TREH: variants seen among roughly 807,000 people sequenced by gnomAD.
The protein encoded by TREH is alpha,alpha-trehalose glucohydrolase.
Under a neutral mutation model 80.5 loss-of-function variants are expected in TREH, and 69 were observed. The observed-to-expected ratio is 0.86, with a 90% CI of 0.71 to 1.05. The LOEUF is 1.05. Ranked by LOEUF, TREH falls within the 50% of genes least tolerant of loss-of-function variation. The pLI, the probability that TREH is intolerant of heterozygous loss-of-function variation, is 0.00. For synonymous variants in TREH, 309 were observed against 293.5 expected, an observed-to-expected ratio of 1.05 and a Z score of -0.54; for missense variants, 716 against 718.8, an observed-to-expected ratio of 1.00 and a Z score of 0.04.
chr11:118,664,583 C>T (rs1555145515), intron 1 of TREH, among the ~76,000 whole-genome samples: 1 of 152,198 alleles, frequency 6.6e-6, no homozygotes, highest in Non-Finnish European at 1.5e-5. Context: ...ACAGAAGATG[C>T]TGTACCAATA....
intron 1 of TREH, among the ~76,000 whole-genome samples, chr11:118,672,489 T>G (rs2137283095): frequency 6.6e-6 from 1 of 151,874 alleles, no homozygotes; most frequent in African/African-American, 2.4e-5. Flanking sequence ...GCAGGCAGAT[T>G]ACTTGAGGTC....
intron 1 of TREH, among the ~76,000 whole-genome samples, chr11:118,679,039 C>T (rs1412623459): frequency 6.6e-6 from 1 of 152,218 alleles, no homozygotes; most frequent in Non-Finnish European, 1.5e-5. Context: ...CCAGCAGGCT[C>T]TTGGACCTCA....
chr11:118,663,233 T>A (rs781939082), intron 2 of TREH, 37 bp from the exon 3 acceptor site: 1 of 1,569,690 alleles, frequency 6.4e-7, no homozygotes, highest in South Asian at 1.2e-5. Flanking sequence ...CAGCAGGGTG[T>A]CACAAGCCAC....
At chr11:118,668,830 C>T (rs1949404658) in intron 1 of TREH, among the ~76,000 whole-genome samples, 1 of 151,900 alleles carries the variant, frequency 6.6e-6, no homozygotes. Flanking sequence ...GTCCCAGCTA[C>T]TCGGGAGGCT....
chr11:118,662,877 A>C lies in TREH; in HGVS notation c.423+4T>G, dbSNP rs1555145240. The C allele has an allele frequency of 1.9e-6, 3 of 1,577,278 alleles. No individual in the cohort carries two copies. The South Asian group carries it at 3.5e-5, about 18-fold the overall frequency. On this transcript the variant is annotated splice_donor_region_variant and intron_variant, in intron 4 of 14. Transcript: ENST00000264029. ...GGCCTTGGGCAGGCCCAGGACGCTG[A>C]TACCTTCTTCCCCAGCTTCTTCCAG...
At chr11:118,668,561 C>CAAAAAAAAA (rs35085066) in intron 1 of TREH, among the ~76,000 whole-genome samples, 1 of 47,868 alleles carries the variant, frequency 2.1e-5, no homozygotes, top group Non-Finnish European at 3.3e-5. Context: ...GACTCTGTCT[C>CAAAAAAAAA]AAAAAAAAAA....
At chr11:118,669,101 T>C (rs1441099325) in intron 1 of TREH, among the ~76,000 whole-genome samples, 2 of 152,156 alleles carry the variant, frequency 1.3e-5, no homozygotes, top group Non-Finnish European at 2.9e-5. Flanking sequence ...AGGTGCTCAA[T>C]ATAATTGATC....
chr11:118,671,393 A>G (rs781843644), intron 1 of TREH, among the ~76,000 whole-genome samples: 2 of 151,832 alleles, frequency 1.3e-5, no homozygotes, highest in Admixed American at 6.7e-5. Context: ...TGCAATTGGC[A>G]TACTGAAGAA....
intron 1 of TREH, among the ~76,000 whole-genome samples, chr11:118,673,337 C>G (rs1949447414): frequency 6.6e-6 from 1 of 152,212 alleles, no homozygotes; most frequent in Non-Finnish European, 1.5e-5. Context: ...CTACTCTTGT[C>G]AGGACCCAGG....
Position 118,674,667 on chromosome 11 carries a change from T to C in TREH, c.89+4872A>G, listed in dbSNP as rs59493388. Among the ~76,000 whole-genome samples, 1,606 of 152,238 alleles carry C rather than the reference T, an allele frequency of 0.011. 25 individuals are homozygous for C. Among genetic ancestry groups the C allele is most frequent in the African/African-American group, 0.035 (1,458 of 41,538 alleles). ...AAGTGATTCTCCTGCCTCAGCCTCC[T>C]GAGTAGATGGGATTACAGGTGCGCA... On this transcript the variant is annotated intron_variant, in intron 1 of 14. Transcript: ENST00000264029. The surrounding 1 kb of genome is among the most constrained non-coding windows in gnomAD (Gnocchi z 4.4).
At position 118,667,653 on chromosome 11, in the gene TREH, C is replaced by T. The variant is rs117244540; in HGVS notation, c.90-4214G>A. 2.5e-4 allele frequency among the ~76,000 whole-genome samples: 38 copies of T among 152,270 alleles called. No individual in the cohort carries two copies. In the East Asian group the frequency reaches 4.2e-3, roughly 17 times the overall value. On this transcript the variant is annotated intron_variant, in intron 1 of 14. Coordinates refer to ENST00000264029, the MANE Select transcript of TREH (RefSeq NM_007180.3). The stretch of plus-strand genomic sequence containing the variant: ...ACACCTAGGTGTGATGTCCACTCAT[C>T]GAACCCTACTATGGGGAACTCACAA...
At position 118,674,748 on chromosome 11, in the gene TREH, G is replaced by A. The variant is rs1949461159; in HGVS notation, c.89+4791C>T. 2.0e-5 allele frequency among the ~76,000 whole-genome samples: 3 copies of A among 152,126 alleles called. No homozygotes were observed. The South Asian group carries it at 6.2e-4, about 31-fold the overall frequency. ...GTAGAGACAGGGTTTCTCCATGTTG[G>A]TCAGGCTGGTCTTGAACTCCTGATC... On this transcript the variant is annotated intron_variant, in intron 1 of 14. Transcript: ENST00000264029. The surrounding 1 kb of genome is among the most constrained non-coding windows in gnomAD (Gnocchi z 4.4).
Position 118,674,298 on chromosome 11 carries a change from A to G in TREH, c.89+5241T>C, listed in dbSNP as rs1949456810. Among the ~76,000 whole-genome samples, 2 of 152,244 alleles carry G rather than the reference A, an allele frequency of 1.3e-5. No individual in the cohort carries two copies. Among genetic ancestry groups the G allele is most frequent in the African/African-American group, 4.8e-5 (2 of 41,462 alleles). On this transcript the variant is annotated intron_variant, in intron 1 of 14. Transcript: ENST00000264029. This position sits in a 1 kb window ranked among gnomAD's most constrained non-coding sequence, Gnocchi z 4.4. Reference sequence around the variant, plus strand: ...AGGTGCTCTAAGACTTTTGCTATAAAGTCCAGTCTATGCTCCAGAGAAGGC... The same window carrying G: ...AGGTGCTCTAAGACTTTTGCTATAAGGTCCAGTCTATGCTCCAGAGAAGGC...
intron 1 of TREH, among the ~76,000 whole-genome samples, chr11:118,667,520 G>T (rs1281119966): frequency 6.6e-6 from 1 of 152,142 alleles, no homozygotes; most frequent in Non-Finnish European, 1.5e-5. Context: ...GTTTCTTATA[G>T]TATTAAAGCA....
intron 1 of TREH, among the ~76,000 whole-genome samples, chr11:118,675,160 C>A (rs1179073210): frequency 2.6e-5 from 4 of 152,172 alleles, no homozygotes; most frequent in African/African-American, 7.2e-5. Context: ...CCATGGGTGA[C>A]CCTGTATCCA....
rs1949270582 is a variant in TREH, at chr11:118,659,093, C to T, written c.1433-76G>A. 6.2e-6 allele frequency: 9 copies of T among 1,446,158 alleles called. No homozygotes were observed. In the South Asian group the frequency reaches 1.1e-4, roughly 17 times the overall value. The allele number at this position is 1,446,158 out of a possible 1,614,324, so 89.6% of individuals were successfully genotyped here. Reference sequence around the variant, plus strand: ...AGAGCAGTGGCTGCACCCTACTCTCCCCAAGGAGGGAAAGAGGCCTGGGCC... The same window carrying T: ...AGAGCAGTGGCTGCACCCTACTCTCTCCAAGGAGGGAAAGAGGCCTGGGCC... On this transcript the variant is annotated intron_variant, in intron 12 of 14. Transcript: ENST00000264029.
rs1168845578 is a variant in TREH, at chr11:118,658,904, CCTT to C, written c.1543_1545del (p.Lys515del). The C allele has an allele frequency of 2.5e-6, 4 of 1,613,772 alleles. No homozygotes were observed. Among genetic ancestry groups the C allele is most frequent in the African/African-American group, 2.7e-5 (2 of 74,916 alleles). On this transcript the variant is annotated inframe_deletion and splice_region_variant, in exon 13 of 15. Transcript: ENST00000264029. ...TGCAGGGAGGGCTTGGGCCAGCTCA[CCTT>C]CTCATACATGGCTGACTTCTGCGAG...
At chr11:118,658,538 ACCCC>A (rs1269896722) in intron 14 of TREH, 97 bp from the exon 15 acceptor site, 14 of 1,526,120 alleles carry the variant, frequency 9.2e-6, no homozygotes, top group Non-Finnish European at 1.2e-5. Flanking sequence ...GCCCTGCCTA[ACCCC>A]AGCGGTACAG....
chr11:118,667,711 C>T (rs960073924), intron 1 of TREH, among the ~76,000 whole-genome samples: 2 of 152,150 alleles, frequency 1.3e-5, no homozygotes, highest in Admixed American at 6.5e-5. Context: ...GCTAACAGCA[C>T]TCAGGCCTTT....
Sources: allele counts gnomAD v4.1 joint callset (sites outside exome capture counted in the v4.1 genomes callset), GRCh38; gene constraint gnomAD v4.1.1; non-coding constraint Gnocchi (gnomAD v3.1); transcripts MANE v1.5; gene names NCBI Gene and HGNC (gene_info 2026-07-23, HGNC 2026-07-21).